The following DLGAP2 variants were observed in gnomAD, a reference collection of about 807,000 sequenced individuals.
DLGAP2 encodes DLG associated protein 2.
Under a neutral mutation model 100.3 loss-of-function variants are expected in DLGAP2, and 26 were observed. The observed-to-expected ratio is 0.26, with a 90% CI of 0.19 to 0.36. DLGAP2 has a LOEUF of 0.36. Ranked by LOEUF, DLGAP2 falls within the 10% of genes least tolerant of loss-of-function variation. The pLI is 1.00. For missense variants in DLGAP2, 1,858 were observed against 1,453.2 expected (o/e 1.28, Z -4.53); for synonymous variants, 886 against 630.1 (o/e 1.41, Z -6.08).
chr8:842,147 C>T (rs1360022311), intron 1 of DLGAP2, among the ~76,000 whole-genome samples: 1 of 152,194 alleles, frequency 6.6e-6, no homozygotes, highest in Non-Finnish European at 1.5e-5. Flanking sequence ...CTATGAGTAG[C>T]CACATGTTTA....
At chr8:1,651,754 A>G (rs1798170330) in intron 8 of DLGAP2, among the ~76,000 whole-genome samples, 1 of 152,228 alleles carries the variant, frequency 6.6e-6, no homozygotes, top group Non-Finnish European at 1.5e-5. Flanking sequence ...GCCAGGCAGC[A>G]AAAATCCTTC....
chr8:1,201,393 G>A (rs1212615524), intron 2 of DLGAP2, among the ~76,000 whole-genome samples: 1 of 152,180 alleles, frequency 6.6e-6, no homozygotes, highest in African/African-American at 2.4e-5. Context: ...GGGAAGGGAC[G>A]GCCTTCTGTT....
At chr8:1,645,218 C>G (rs1448390435) in intron 8 of DLGAP2, among the ~76,000 whole-genome samples, 1 of 152,250 alleles carries the variant, frequency 6.6e-6, no homozygotes, top group African/African-American at 2.4e-5. Flanking sequence ...AATTTTTTAA[C>G]CTTATAATAG....
intron 2 of DLGAP2, among the ~76,000 whole-genome samples, chr8:1,140,482 G>A (rs921532698): frequency 8.5e-5 from 13 of 152,112 alleles, no homozygotes; most frequent in African/African-American, 2.7e-4. Context: ...AGGCCCCTGG[G>A]TCCCATGCAC....
chr8:1,598,258 C>T (rs889991869), intron 6 of DLGAP2, among the ~76,000 whole-genome samples: 3 of 152,168 alleles, frequency 2.0e-5, no homozygotes. Flanking sequence ...CTGCTGTATT[C>T]AGTTTGCCAG....
At chr8:1,371,313 G>C (rs529211203) in intron 3 of DLGAP2, among the ~76,000 whole-genome samples, 26 of 152,324 alleles carry the variant, frequency 1.7e-4, no homozygotes, top group Admixed American at 9.1e-4. Context: ...CTCATTTCCT[G>C]ACTTGGACCT....
Position 890,779 on chromosome 8 carries a change from C to T in DLGAP2, c.19-17133C>T, listed in dbSNP as rs889495899. On this transcript the variant is annotated intron_variant, in intron 1 of 14. Transcript: ENST00000637795. Reference sequence around the variant, plus strand: ...GCTTCCTGTGTGTCTCCGGCCTCAGCCCCCTGTCCTTTGCAAACCTCCCCT... The same window carrying T: ...GCTTCCTGTGTGTCTCCGGCCTCAGTCCCCTGTCCTTTGCAAACCTCCCCT... Among the ~76,000 whole-genome samples, 6 of 152,120 alleles carry T rather than the reference C, an allele frequency of 3.9e-5. No homozygotes were observed. In the East Asian group the frequency reaches 9.7e-4, roughly 25 times the overall value.
At chr8:1,449,980 G>C (rs1230200902) in intron 3 of DLGAP2, among the ~76,000 whole-genome samples, 29 of 58,000 alleles carry the variant, frequency 5.0e-4, no homozygotes, top group East Asian at 1.2e-3. Context: ...CTCGGTGACT[G>C]AGGCGGAGCT....
chr8:1,041,674 TTGCCGTGGGTGAGTGTTCTCC>T (rs1802353901), intron 2 of DLGAP2, among the ~76,000 whole-genome samples: 1 of 77,954 alleles, frequency 1.3e-5, no homozygotes, highest in Non-Finnish European at 2.5e-5. Context: ...TCCGAGCCCC[TTGCCGTGGGTGAGTGTTCTCC>T]GAGCCCCTTG....
intron 2 of DLGAP2, chr8:927,188 A>T: frequency 2.0e-6 from 2 of 984,714 alleles, no homozygotes; most frequent in Non-Finnish European, 2.4e-6. Flanking sequence ...GTTCAGGAAA[A>T]CTCCTACAAA....
At chr8:1,627,953 C>G (rs1797548909) in intron 7 of DLGAP2, among the ~76,000 whole-genome samples, 1 of 147,550 alleles carries the variant, frequency 6.8e-6, no homozygotes, top group Admixed American at 6.7e-5. Flanking sequence ...AGAGCCTGAG[C>G]TGACCTCACA....
intron 3 of DLGAP2, among the ~76,000 whole-genome samples, chr8:1,299,122 C>G (rs1226614125): frequency 6.6e-6 from 1 of 152,184 alleles, no homozygotes. Context: ...GTGTATGGTA[C>G]AAAGAAGCAG....
intron 3 of DLGAP2, among the ~76,000 whole-genome samples, chr8:1,327,218 T>C (rs17063833): frequency 0.16 from 24,681 of 152,242 alleles, 2,502 homozygotes; most frequent in African/African-American, 0.28. Flanking sequence ...CTTTGCAATT[T>C]TACAGGTAAG....
intron 1 of DLGAP2, among the ~76,000 whole-genome samples, chr8:818,159 G>A (rs1394274453): frequency 6.6e-6 from 1 of 152,184 alleles, no homozygotes; most frequent in Non-Finnish European, 1.5e-5. Context: ...GACTCTCCTT[G>A]GGTGGGGCTG....
intron 9 of DLGAP2, 35 bp downstream of exon 9, chr8:1,668,713 C>G (rs1446888148): frequency 6.8e-7 from 1 of 1,477,202 alleles, no homozygotes; most frequent in Non-Finnish European, 9.0e-7. Flanking sequence ...GGGCCTCGCT[C>G]CACTCAGTCC....
intron 1 of DLGAP2, among the ~76,000 whole-genome samples, chr8:765,816 C>G (rs1821198547): frequency 6.6e-6 from 1 of 152,116 alleles, no homozygotes; most frequent in Non-Finnish European, 1.5e-5. Flanking sequence ...CGATGATGCA[C>G]ACACAAATGC....
At chr8:1,671,327 G>A (rs1798684661) in intron 10 of DLGAP2, among the ~76,000 whole-genome samples, 1 of 152,264 alleles carries the variant, frequency 6.6e-6, no homozygotes, top group African/African-American at 2.4e-5. Context: ...GCTAGCCCGT[G>A]TTCCACCAGC....
At chr8:1,483,759 T>G (rs74747353) in intron 3 of DLGAP2, among the ~76,000 whole-genome samples, 250 of 28,126 alleles carry the variant, frequency 8.9e-3, no homozygotes, top group East Asian at 0.047. Context: ...CAGGGAGGCA[T>G]GTGCAGGACA....
intron 1 of DLGAP2, among the ~76,000 whole-genome samples, chr8:794,234 G>T (rs1351498527): frequency 1.3e-5 from 2 of 151,878 alleles, no homozygotes; most frequent in Non-Finnish European, 2.9e-5. Flanking sequence ...GTCCCTGGTG[G>T]TGTGAGTGAG....
Sources: allele counts gnomAD v4.1 joint callset (sites outside exome capture counted in the v4.1 genomes callset), GRCh38; gene constraint gnomAD v4.1.1; transcripts MANE v1.5; gene names NCBI Gene and HGNC (gene_info 2026-07-23, HGNC 2026-07-21).